ABCB1: variants seen among roughly 807,000 people sequenced by gnomAD.
ABCB1 encodes the protein ATP binding cassette subfamily B member 1, also known as ATP-dependent translocase ABCB1.
Under a neutral mutation model 142.0 loss-of-function variants are expected in ABCB1, and 69 were observed. The observed-to-expected ratio is 0.49, with a 90% CI of 0.40 to 0.59. ABCB1 has a LOEUF of 0.59. Ranked by LOEUF, ABCB1 falls within the 20% of genes least tolerant of loss-of-function variation. ABCB1 has a pLI of 0.00. For missense variants in ABCB1, 1,326 were observed against 1,554.7 expected (o/e 0.85, Z 2.47); for synonymous variants, 532 against 539.2 (o/e 0.99, Z 0.18).
At chr7:87,557,274 C>T (rs543137769) in intron 8 of ABCB1, among the ~76,000 whole-genome samples, 19 of 152,138 alleles carry the variant, frequency 1.2e-4, no homozygotes, top group Non-Finnish European at 2.4e-4. Flanking sequence ...AGCTGAAAAC[C>T]TAGAGCCCTA....
chr7:87,692,146 A>T (rs1268891722), intron 1 of ABCB1, among the ~76,000 whole-genome samples: 1 of 152,104 alleles, frequency 6.6e-6, no homozygotes, highest in African/African-American at 2.4e-5. Flanking sequence ...ACAGCTTTTT[A>T]AAAAAATAAC....
intron 17 of ABCB1, among the ~76,000 whole-genome samples, chr7:87,542,731 TGCAAGAATCAGC>T (rs1816596699): frequency 6.6e-6 from 1 of 151,990 alleles, no homozygotes; most frequent in Non-Finnish European, 1.5e-5. Context: ...CACATGTTAG[TGCAAGAATCAGC>T]AAACTATGGG....
chr7:87,652,815 A>G (rs1823718829), intron 1 of ABCB1, among the ~76,000 whole-genome samples: 2 of 151,878 alleles, frequency 1.3e-5, no homozygotes, highest in Admixed American at 1.3e-4. Flanking sequence ...TTCACTTATG[A>G]TTTAGTTACA....
chr7:87,564,159 T>C (rs117437515), intron 7 of ABCB1: 1 of 451,868 alleles, frequency 2.2e-6, no homozygotes, highest in Non-Finnish European at 4.4e-6. Flanking sequence ...ACCCCTGAAC[T>C]TAAAATAAAA....
Position 87,504,192 on chromosome 7 carries a change from T to G in ABCB1, c.*51A>C. 1 of 1,606,976 alleles carries G rather than the reference T, an allele frequency of 6.2e-7. No homozygotes were observed. On this transcript the variant is annotated 3_prime_UTR_variant, in exon 28 of 28. Transcript: ENST00000622132. ...GTTTGCTTTTAACTTTGAATAAATGTCATATCTAAACAAATATTAAAAAGT... is the reference window on the plus strand; with the variant it reads ...GTTTGCTTTTAACTTTGAATAAATGGCATATCTAAACAAATATTAAAAAGT...
intron 1 of ABCB1, among the ~76,000 whole-genome samples, chr7:87,670,206 A>C (rs1042396600): frequency 6.6e-6 from 1 of 151,762 alleles, no homozygotes; most frequent in Non-Finnish European, 1.5e-5. Context: ...TGACTTTCTT[A>C]TTTCAGAGAA....
At chr7:87,528,002 G>A (rs1006947819) in intron 21 of ABCB1, among the ~76,000 whole-genome samples, 2 of 152,144 alleles carry the variant, frequency 1.3e-5, no homozygotes, top group Non-Finnish European at 1.5e-5. Context: ...AGAGCAGAGG[G>A]ACATCTCACA....
At chr7:87,585,354 T>C (rs1352804576) in intron 4 of ABCB1, among the ~76,000 whole-genome samples, 158 bp downstream of exon 4, 2 of 152,232 alleles carry the variant, frequency 1.3e-5, no homozygotes, top group African/African-American at 4.8e-5. Context: ...ATATTATCTT[T>C]TCTAACTCAC....
chr7:87,624,277 A>T (rs1048262450), intron 1 of ABCB1, among the ~76,000 whole-genome samples: 11 of 152,204 alleles, frequency 7.2e-5, no homozygotes, highest in East Asian at 1.9e-4. Flanking sequence ...AATAAAAATT[A>T]AAAAAACTTA....
At chr7:87,635,596 A>T (rs1047626916) in intron 1 of ABCB1, among the ~76,000 whole-genome samples, 2 of 152,172 alleles carry the variant, frequency 1.3e-5, no homozygotes, top group South Asian at 2.1e-4. Flanking sequence ...TAGCTCTACT[A>T]TGCCACTATT....
rs143868233 is a variant in ABCB1, at chr7:87,704,681, C to T, written c.-331+8480G>A. On this transcript the variant is annotated intron_variant, in intron 1 of 28. Coordinates refer to the ABCB1 transcript ENST00000265724. ...ACCACAGAACAATCATGTTCCAAAT[C>T]CTGCATTTATATCTTTGTTTTGCTC... 4.7e-3 allele frequency among the ~76,000 whole-genome samples: 717 copies of T among 152,268 alleles called. 3 individuals are homozygous for T. The highest frequency in any genetic ancestry group is 0.016 in the African/African-American group (657 of 41,556).
intron 1 of ABCB1, among the ~76,000 whole-genome samples, chr7:87,678,379 T>G (rs1025732931): frequency 6.6e-6 from 1 of 152,238 alleles, no homozygotes; most frequent in African/African-American, 2.4e-5. Context: ...GTTATATATA[T>G]TTAGTTGAAA....
chr7:87,684,450 A>T (rs934688304), intron 1 of ABCB1, among the ~76,000 whole-genome samples: 12 of 152,190 alleles, frequency 7.9e-5, no homozygotes, highest in Non-Finnish European at 1.5e-4. Flanking sequence ...TGCAGTAATC[A>T]GTGTGTTATT....
intron 9 of ABCB1, among the ~76,000 whole-genome samples, chr7:87,552,037 A>G (rs1563049041): frequency 6.6e-6 from 1 of 152,200 alleles, no homozygotes; most frequent in Non-Finnish European, 1.5e-5. Context: ...CCCAGCAATC[A>G]TAGAGATGTT....
chr7:87,562,442 A>G (rs913352320), intron 7 of ABCB1, among the ~76,000 whole-genome samples: 1 of 152,182 alleles, frequency 6.6e-6, no homozygotes, highest in Admixed American at 6.5e-5. Context: ...AAACATCTGT[A>G]GAATAGAGGA....
intron 4 of ABCB1, among the ~76,000 whole-genome samples, chr7:87,583,743 T>C (rs759800952): frequency 6.6e-6 from 1 of 152,162 alleles, no homozygotes; most frequent in South Asian, 2.1e-4. Flanking sequence ...TTTGGGATGA[T>C]ATAACAAAAT....
chr7:87,698,798 G>A (rs1828743263), intron 1 of ABCB1, among the ~76,000 whole-genome samples: 1 of 152,162 alleles, frequency 6.6e-6, no homozygotes, highest in Non-Finnish European at 1.5e-5. Context: ...CTTTTGAGGA[G>A]AAGTAAGCAC....
At chr7:87,600,940 C>G (rs1006225341), upstream of ABCB1, 2 of 152,330 alleles carry the variant, frequency 1.3e-5, no homozygotes, top group Non-Finnish European at 2.9e-5. Flanking sequence ...GCCCACGCCC[C>G]GGCGCTGTTC....
At chr7:87,650,353 G>A (rs1823450949) in intron 1 of ABCB1, among the ~76,000 whole-genome samples, 1 of 151,962 alleles carries the variant, frequency 6.6e-6, no homozygotes, top group Non-Finnish European at 1.5e-5. Context: ...CTGCAGGCTG[G>A]GAAGGCTGAG....
Sources: allele counts gnomAD v4.1 joint callset (sites outside exome capture counted in the v4.1 genomes callset), GRCh38; gene constraint gnomAD v4.1.1; transcripts MANE v1.5; gene names NCBI Gene and HGNC (gene_info 2026-07-23, HGNC 2026-07-21).